The following VPS54 variants were observed in gnomAD, a reference collection of about 807,000 sequenced individuals.
The protein encoded by VPS54 is vacuolar protein sorting-associated protein 54.
In VPS54, 45 loss-of-function variants were observed where a neutral mutation model predicts 121.5. That is an observed-to-expected ratio of 0.37 (90% CI 0.29 to 0.47). The LOEUF (loss-of-function observed/expected upper bound fraction) is 0.47. Among genes scored for constraint, VPS54 ranks in the 20% least tolerant of loss-of-function variants. VPS54 has a pLI of 0.99. For missense variants in VPS54, 1,090 were observed against 1,131.4 expected, an observed-to-expected ratio of 0.96 and a Z score of 0.52; for synonymous variants, 371 against 385.8, an observed-to-expected ratio of 0.96 and a Z score of 0.45.
intron 6 of VPS54, among the ~76,000 whole-genome samples, chr2:63,965,623 G>C (rs1361731325): frequency 6.6e-6 from 1 of 152,150 alleles, no homozygotes; most frequent in Non-Finnish European, 1.5e-5. Context: ...CACTCAAATA[G>C]TAAGTTTTTC....
At chr2:63,942,669 A>T (rs1027628943) in intron 10 of VPS54, 108 bp from the exon 11 acceptor site, 1 of 859,604 alleles carries the variant, frequency 1.2e-6, no homozygotes, top group Non-Finnish European at 1.8e-6. Flanking sequence ...GATAAAATGC[A>T]ATTTCATCTA....
Position 63,962,380 on chromosome 2 carries a change from C to A in VPS54, c.688G>T (p.Ala230Ser). 1 of 1,613,876 alleles carries A rather than the reference C, an allele frequency of 6.2e-7. No homozygotes were observed. The highest frequency in any genetic ancestry group is 8.5e-7 in the Non-Finnish European group (1 of 1,179,864). Residue 230 changes from alanine (A) to serine (S), a missense_variant, in exon 7 of 23, where the codon GCA (alanine) becomes TCA (serine). By Grantham distance (99) the Ala-to-Ser change is moderately conservative. Transcript: ENST00000272322. ...IAHQISLRSE[A>S]FFHAMTSQHE... ...TGAGAGGTCATTGCATGAAAAAATG[C>A]TTCTGAACGTAGAGAGATCTGGTGA...
chr2:63,975,334 G>A (rs1292704233), intron 3 of VPS54: 1 of 251,764 alleles, frequency 4.0e-6, no homozygotes. Flanking sequence ...AAACAAAGAT[G>A]ATAACAGTCC....
chr2:63,912,334 T>C lies in VPS54; in HGVS notation c.2625+11A>G. The C allele has an allele frequency of 1.3e-6, 2 of 1,588,602 alleles. No homozygotes were observed. Among genetic ancestry groups the C allele is most frequent in the Non-Finnish European group, 1.7e-6 (2 of 1,163,802 alleles). On this transcript the variant is annotated intron_variant, in intron 20 of 22. Coordinates refer to ENST00000272322, the MANE Select transcript of VPS54 (RefSeq NM_016516.3). ...TTTGAACAAAGTCTAATAATTTCTA[T>C]AAATCATTACCTTAGATAACAGCTT...
intron 20 of VPS54, among the ~76,000 whole-genome samples, chr2:63,903,758 G>A (rs1191370277): frequency 6.6e-6 from 1 of 151,818 alleles, no homozygotes. Flanking sequence ...GAAACAAACA[G>A]AAATATAGCT....
At chr2:63,895,178 G>A (rs7593259) in intron 22 of VPS54, among the ~76,000 whole-genome samples, 6,497 of 152,084 alleles carry the variant, frequency 0.043, 177 homozygotes, top group African/African-American at 0.058. Flanking sequence ...GAGCTGGGCC[G>A]GGTGCAGTGG....
At chr2:63,998,875 T>C (rs1320664208) in intron 1 of VPS54, among the ~76,000 whole-genome samples, 2 of 152,172 alleles carry the variant, frequency 1.3e-5, no homozygotes, top group Middle Eastern at 3.2e-3. Flanking sequence ...TGTACTTATA[T>C]TGCCAGTTAG....
rs563753529 is a variant in VPS54, at chr2:64,019,369, G to A, written c.-452C>T. ...CTCACCCCGCCGGCCCAGCCGGCTC[G>A]GCCCGGTCGGGTGCGGGGAGACAGC... On this transcript the variant is annotated 5_prime_UTR_variant, in exon 1 of 23. Coordinates refer to ENST00000272322, the MANE Select transcript of VPS54 (RefSeq NM_016516.3). Among the ~76,000 whole-genome samples the A allele has an allele frequency of 6.8e-4, 103 of 151,188 alleles. No homozygotes were observed. In the Middle Eastern group the frequency reaches 0.021, roughly 30 times the overall value.
chr2:63,898,927 C>T lies in VPS54; in HGVS notation c.2733+547G>A, dbSNP rs548248667. The stretch of plus-strand genomic sequence containing the variant: ...ATACTTTTGTAAGGGAATACAGTAG[C>T]GATAGAAGGGTGGATACTTCATAGC... On this transcript the variant is annotated intron_variant, in intron 21 of 22. Transcript: ENST00000272322. 5.3e-4 allele frequency among the ~76,000 whole-genome samples: 80 copies of T among 152,128 alleles called. 1 individual carries two copies. The highest frequency in any genetic ancestry group is 1.2e-4 in the Non-Finnish European group (8 of 68,004).
At chr2:63,994,950 G>C (rs772503494) in intron 1 of VPS54, among the ~76,000 whole-genome samples, 1 of 152,170 alleles carries the variant, frequency 6.6e-6, no homozygotes, top group East Asian at 1.9e-4. Context: ...TTGGGAGAAC[G>C]AGAATCATCA....
Position 63,944,578 on chromosome 2 carries a change from C to T in VPS54, c.1301+22G>A, listed in dbSNP as rs760638906. On this transcript the variant is annotated intron_variant, in intron 10 of 22. Transcript: ENST00000272322. ...CATCTTTTCTCTGACTGATAACCAC[C>T]AACCTATATATTTATACTTACTTCA... is the stretch of plus-strand genomic sequence containing the variant. 6.3e-6 allele frequency: 10 copies of T among 1,588,426 alleles called. No homozygotes were observed. In the East Asian group the frequency reaches 2.2e-4, roughly 36 times the overall value.
At position 63,920,006 on chromosome 2, in the gene VPS54, G is replaced by A. The variant is rs975634722; in HGVS notation, c.2052-11C>T. On this transcript the variant is annotated splice_polypyrimidine_tract_variant and intron_variant, in intron 14 of 22. Coordinates refer to ENST00000272322, the MANE Select transcript of VPS54 (RefSeq NM_016516.3). ...TTGTCTAAGAGGAGGCTAGTCCACA[G>A]TAAGGAGAAAAGAAGGTAAACTTTA... The A allele has an allele frequency of 3.1e-6, 5 of 1,597,154 alleles. No individual in the cohort carries two copies. Among genetic ancestry groups the A allele is most frequent in the Non-Finnish European group, 4.3e-6 (5 of 1,171,510 alleles).
At chr2:63,981,264 G>C (rs557796281) in intron 3 of VPS54, among the ~76,000 whole-genome samples, 3 of 152,080 alleles carry the variant, frequency 2.0e-5, no homozygotes, top group African/African-American at 7.2e-5. Flanking sequence ...CTATCTGCTA[G>C]AGCTAGGGTG....
chr2:63,964,516 A>G (rs1675901224), intron 6 of VPS54, among the ~76,000 whole-genome samples: 1 of 152,128 alleles, frequency 6.6e-6, no homozygotes, highest in Admixed American at 6.5e-5. Flanking sequence ...CAGGGCATAT[A>G]CTTAGAATAT....
chr2:64,004,882 G>A (rs112162700), intron 1 of VPS54, among the ~76,000 whole-genome samples: 14,435 of 151,880 alleles, frequency 0.095, 1,129 homozygotes, highest in African/African-American at 0.22. Context: ...GGGTGCAAGC[G>A]ATCCTCCCAC....
intron 7 of VPS54, among the ~76,000 whole-genome samples, chr2:63,960,394 C>T (rs1254771163): frequency 6.6e-6 from 1 of 152,100 alleles, no homozygotes; most frequent in African/African-American, 2.4e-5. Flanking sequence ...TATTCTGTAA[C>T]CCAATAAATC....
chr2:63,916,142 A>T (rs1283421016), intron 16 of VPS54, among the ~76,000 whole-genome samples: 1 of 152,174 alleles, frequency 6.6e-6, no homozygotes, highest in Admixed American at 6.5e-5. Flanking sequence ...CAATTCTCAT[A>T]GTGGAAAAAG....
At chr2:63,958,538 AC>A (rs1675603617) in intron 7 of VPS54, among the ~76,000 whole-genome samples, 2 of 152,136 alleles carry the variant, frequency 1.3e-5, no homozygotes, top group African/African-American at 4.8e-5. Context: ...ACACAGCAAG[AC>A]CTTATCTCTA....
intron 1 of VPS54, among the ~76,000 whole-genome samples, chr2:64,003,351 C>T (rs1220745932): frequency 6.6e-6 from 1 of 152,124 alleles, no homozygotes; most frequent in Non-Finnish European, 1.5e-5. Context: ...ACATGGTAAT[C>T]TCCTTATAAT....
Sources: gnomAD v4.1 joint callset for allele counts (sites outside exome capture counted in the v4.1 genomes callset) on GRCh38, gnomAD v4.1.1 for gene constraint, MANE v1.5 for transcripts, NCBI Gene and HGNC (gene_info 2026-07-23, HGNC 2026-07-21) for gene names.